The following RANBP2 variants were observed in gnomAD, a reference collection of about 807,000 sequenced individuals.
RANBP2 encodes the protein RAN binding protein 2.
RANBP2 carries 57 observed loss-of-function variants against 303.6 expected under a neutral mutation model. The ratio of observed to expected loss-of-function variants is 0.19; its 90% CI spans 0.15 to 0.23. RANBP2 has a LOEUF of 0.23. Among genes scored for constraint, RANBP2 ranks in the 10% least tolerant of loss-of-function variants. RANBP2 has a pLI of 1.00. For synonymous variants in RANBP2, 1,167 were observed against 1,301.5 expected (o/e 0.90, Z 2.23); for missense variants, 3,138 against 3,780.8 (o/e 0.83, Z 4.46).
the RANBP2 span, among the ~76,000 whole-genome samples, chr2:109,183,444 T>C: frequency 6.6e-6 from 1 of 152,180 alleles, no homozygotes; most frequent in Non-Finnish European, 1.5e-5. Context: ...ATATAGTAGT[T>C]CAACTCCCAC....
chr2:109,278,551 C>T, the RANBP2 span, among the ~76,000 whole-genome samples: 2 of 152,176 alleles, frequency 1.3e-5, no homozygotes, highest in South Asian at 4.1e-4. Context: ...TGTCGGGCCC[C>T]AATGTCACTG....
At chr2:109,676,087 C>G in the RANBP2 span, among the ~76,000 whole-genome samples, 6 of 152,256 alleles carry the variant, frequency 3.9e-5, no homozygotes, top group Admixed American at 3.3e-4. Flanking sequence ...CAGTCTTGCT[C>G]TGTGTGTGAA....
the RANBP2 span, among the ~76,000 whole-genome samples, chr2:109,141,267 C>T: frequency 5.9e-5 from 9 of 152,214 alleles, no homozygotes; most frequent in East Asian, 7.7e-4. Flanking sequence ...GTGGGCCGTG[C>T]GCATTCCTGG....
At chr2:108,794,538 A>T in the RANBP2 span, 2 of 1,593,916 alleles carry the variant, frequency 1.3e-6, no homozygotes, top group African/African-American at 2.7e-5. Flanking sequence ...TTTTCTTTGC[A>T]GTTGCCTTGC....
the RANBP2 span, among the ~76,000 whole-genome samples, chr2:108,868,505 C>G: frequency 2.0e-5 from 3 of 152,168 alleles, no homozygotes; most frequent in African/African-American, 7.2e-5. Flanking sequence ...TCATCATTCT[C>G]ACCTCTTTCT....
chr2:109,127,061 G>A, the RANBP2 span, among the ~76,000 whole-genome samples: 1 of 152,192 alleles, frequency 6.6e-6, no homozygotes, highest in African/African-American at 2.4e-5. Flanking sequence ...CGGCCCTCAA[G>A]GGAAGCCAGG....
the RANBP2 span, among the ~76,000 whole-genome samples, chr2:109,252,996 G>T: frequency 0.75 from 114,458 of 152,090 alleles, 43,608 homozygotes; most frequent in East Asian, 0.89. Context: ...CAGTTTAAAT[G>T]TAGACCCACA....
the RANBP2 span, among the ~76,000 whole-genome samples, chr2:108,800,227 T>G: frequency 1.3e-5 from 2 of 152,168 alleles, no homozygotes; most frequent in African/African-American, 4.8e-5. Context: ...TTATTGATTT[T>G]AAAGCATTCA....
At chr2:109,000,231 C>G in the RANBP2 span, among the ~76,000 whole-genome samples, 2 of 152,126 alleles carry the variant, frequency 1.3e-5, no homozygotes, top group African/African-American at 4.8e-5. Context: ...AGGAGAAATG[C>G]AAATAAAGTC....
the RANBP2 span, among the ~76,000 whole-genome samples, chr2:108,856,153 C>T: frequency 6.6e-6 from 1 of 151,982 alleles, no homozygotes; most frequent in African/African-American, 2.4e-5. Flanking sequence ...GCAGGTTTCT[C>T]AGTCATCTGT....
At chr2:109,392,533 G>A in the RANBP2 span, among the ~76,000 whole-genome samples, 7 of 151,584 alleles carry the variant, frequency 4.6e-5, no homozygotes, top group Admixed American at 2.6e-4. Context: ...TTTTGGAGAC[G>A]GAGTCTCGCA....
the RANBP2 span, among the ~76,000 whole-genome samples, chr2:108,900,307 G>A: frequency 6.6e-6 from 1 of 152,208 alleles, no homozygotes. Context: ...TGTAATCCCA[G>A]CACTTTGGGA....
the RANBP2 span, among the ~76,000 whole-genome samples, chr2:109,601,956 C>T: frequency 0.016 from 2,477 of 152,228 alleles, 58 homozygotes; most frequent in African/African-American, 0.056. Flanking sequence ...TGGAAATGCG[C>T]TTCCCGAGGG....
At chr2:109,059,222 T>C in the RANBP2 span, among the ~76,000 whole-genome samples, 1 of 151,954 alleles carries the variant, frequency 6.6e-6, no homozygotes, top group Non-Finnish European at 1.5e-5. Context: ...GTCCACAACA[T>C]CATGGGGTGG....
chr2:109,337,754 G>C, the RANBP2 span, among the ~76,000 whole-genome samples: 1 of 151,560 alleles, frequency 6.6e-6, no homozygotes, highest in South Asian at 2.1e-4. Flanking sequence ...TTGAGACAGG[G>C]TTTCACTCTG....
the RANBP2 span, among the ~76,000 whole-genome samples, chr2:109,255,232 A>G: frequency 6.6e-6 from 1 of 152,320 alleles, no homozygotes; most frequent in East Asian, 1.9e-4. Context: ...GCTTCGGAAT[A>G]GTGCATCTAG....
chr2:109,225,855 T>C, the RANBP2 span, among the ~76,000 whole-genome samples: 1 of 152,238 alleles, frequency 6.6e-6, no homozygotes, highest in Non-Finnish European at 1.5e-5. Context: ...AGCCTTGACC[T>C]CCTGGGATGA....
the RANBP2 span, among the ~76,000 whole-genome samples, chr2:109,510,972 G>A: frequency 5.9e-5 from 9 of 152,282 alleles, no homozygotes; most frequent in African/African-American, 1.7e-4. Context: ...CTCTGCGCCC[G>A]CCCCATGCTT....
At chr2:109,197,737 G>A in the RANBP2 span, among the ~76,000 whole-genome samples, 1 of 152,220 alleles carries the variant, frequency 6.6e-6, no homozygotes, top group African/African-American at 2.4e-5. Flanking sequence ...TAGAAGGGTG[G>A]CCCTGGCCCC....
Sources: gnomAD v4.1 joint callset for allele counts (sites outside exome capture counted in the v4.1 genomes callset) on GRCh38, gnomAD v4.1.1 for gene constraint, MANE v1.5 for transcripts, NCBI Gene and HGNC (gene_info 2026-07-23, HGNC 2026-07-21) for gene names.